PRIM2: variants seen among roughly 807,000 people sequenced by gnomAD.
PRIM2 encodes the protein DNA primase large subunit.
Under a neutral mutation model 67.3 loss-of-function variants are expected in PRIM2, and 39 were observed. The observed-to-expected ratio is 0.58, with a 90% CI of 0.45 to 0.76. PRIM2 has a LOEUF of 0.76. Ranked by LOEUF, PRIM2 falls within the 30% of genes least tolerant of loss-of-function variation. The pLI, the probability that PRIM2 is intolerant of heterozygous loss-of-function variation, is 0.00. For missense variants in PRIM2, 398 were observed against 598.7 expected, an observed-to-expected ratio of 0.66 and a Z score of 3.50; for synonymous variants, 143 against 198.7, an observed-to-expected ratio of 0.72 and a Z score of 2.36.
At chr6:57,530,158 CAT>C (rs1433557901) in intron 8 of PRIM2, among the ~76,000 whole-genome samples, 3 of 152,108 alleles carry the variant, frequency 2.0e-5, no homozygotes, top group African/African-American at 7.2e-5. Flanking sequence ...AACCATAGCA[CAT>C]GTGTGTGCTA....
the PRIM2 span, among the ~76,000 whole-genome samples, chr6:57,275,511 A>G: frequency 6.6e-6 from 1 of 152,212 alleles, no homozygotes; most frequent in Non-Finnish European, 1.5e-5. Flanking sequence ...AAATAAAAGT[A>G]GATTATGTTA....
intron 13 of PRIM2, among the ~76,000 whole-genome samples, chr6:57,636,336 T>C (rs1777121055): frequency 6.6e-6 from 1 of 152,162 alleles, no homozygotes; most frequent in African/African-American, 2.4e-5. Flanking sequence ...TACCTCTATT[T>C]CTCTATTCCT....
intron 7 of PRIM2, among the ~76,000 whole-genome samples, chr6:57,474,104 C>T (rs1160033038): frequency 4.0e-5 from 6 of 150,348 alleles, no homozygotes; most frequent in South Asian, 4.2e-4. Context: ...GACTAATCTT[C>T]CAAAGCATCA....
At chr6:57,435,816 G>A (rs1771991127) in intron 7 of PRIM2, among the ~76,000 whole-genome samples, 1 of 152,152 alleles carries the variant, frequency 6.6e-6, no homozygotes. Context: ...AAAGAGCTGA[G>A]CTCATTCCAA....
intron 7 of PRIM2, among the ~76,000 whole-genome samples, chr6:57,453,208 G>C (rs1389597261): frequency 6.6e-6 from 1 of 152,178 alleles, no homozygotes; most frequent in African/African-American, 2.4e-5. Context: ...ATAGTTTGAA[G>C]TCAGGCAGCA....
intron 5 of PRIM2, among the ~76,000 whole-genome samples, chr6:57,363,739 T>C (rs1333197827): frequency 6.6e-6 from 1 of 152,216 alleles, no homozygotes; most frequent in African/African-American, 2.4e-5. Context: ...AGGAGTAGAA[T>C]TCTTTTTATT....
chr6:57,526,652 G>A (rs1222353305), intron 8 of PRIM2, among the ~76,000 whole-genome samples: 1 of 152,154 alleles, frequency 6.6e-6, no homozygotes, highest in African/African-American at 2.4e-5. Context: ...AACATTAGGA[G>A]TAGGAAAGCT....
intron 5 of PRIM2, among the ~76,000 whole-genome samples, chr6:57,329,141 T>C (rs1464633976): frequency 6.6e-6 from 1 of 152,134 alleles, no homozygotes; most frequent in Non-Finnish European, 1.5e-5. Flanking sequence ...TTTTTTTTTT[T>C]CAGATGAAGT....
chr6:57,627,279 C>CAAAAAA (rs1158722297), intron 12 of PRIM2, among the ~76,000 whole-genome samples: 575 of 24,524 alleles, frequency 0.023, 95 homozygotes, highest in East Asian at 0.12. Flanking sequence ...GACTCTGTCT[C>CAAAAAA]AAAAAAAAAA....
At chr6:57,440,050 G>A (rs537207931) in intron 7 of PRIM2, among the ~76,000 whole-genome samples, 6 of 151,170 alleles carry the variant, frequency 4.0e-5, no homozygotes, top group Admixed American at 2.0e-4. Context: ...AATTTCAGAA[G>A]ATACAGAAAA....
At chr6:57,396,747 T>G (rs888377408) in intron 7 of PRIM2, among the ~76,000 whole-genome samples, 16 of 152,170 alleles carry the variant, frequency 1.1e-4, no homozygotes, top group African/African-American at 3.9e-4. Context: ...AATTGTATTT[T>G]TGTTTTGTAG....
At chr6:57,487,461 T>G (rs1469229774) in intron 7 of PRIM2, among the ~76,000 whole-genome samples, 2 of 152,164 alleles carry the variant, frequency 1.3e-5, no homozygotes, top group East Asian at 3.8e-4. Flanking sequence ...GCTCCTTGCC[T>G]CAAGTGATCC....
chr6:57,525,600 G>T (rs1307978332), intron 8 of PRIM2, among the ~76,000 whole-genome samples: 2 of 152,116 alleles, frequency 1.3e-5, no homozygotes, highest in Non-Finnish European at 2.9e-5. Context: ...CTGTTGTCCG[G>T]CATTTCAACA....
At chr6:57,382,224 C>T (rs4382263) in intron 7 of PRIM2, 56 bp downstream of exon 7, 5 of 1,550,092 alleles carry the variant, frequency 3.2e-6, no homozygotes, top group Non-Finnish European at 3.5e-6. Flanking sequence ...AGTTATATAC[C>T]CCTGGTAGTT....
rs1157172882 is a variant in PRIM2 at position 57,587,664 on chromosome 6, CAAAAAAAAAAAAAAAAA to C, written c.1021-13415_1021-13399del. ...GGGCAACAAGAGTGAGACTCTGTCT[CAAAAAAAAAAAAAAAAA>C]AAAAAAAAAAAAAGGCAGAACACAA... On this transcript the variant is annotated intron_variant, in intron 10 of 13. Transcript: ENST00000615550. Among the ~76,000 whole-genome samples the C allele has an allele frequency of 1.3e-4, 7 of 54,240 alleles. No individual in the cohort carries two copies. In the Admixed American group the frequency reaches 1.4e-3, roughly 11 times the overall value. 35.6% of individuals were successfully genotyped at this position (54,240 alleles called of 152,430 possible).
chr6:57,237,751 C>A, the PRIM2 span, among the ~76,000 whole-genome samples: 8 of 152,236 alleles, frequency 5.3e-5, no homozygotes, highest in South Asian at 1.7e-3. Flanking sequence ...TTTCTGAGGG[C>A]TCTGTTCTGT....
At chr6:57,311,335 G>A (rs984163025), upstream of PRIM2, among the ~76,000 whole-genome samples, 5 of 150,024 alleles carry the variant, frequency 3.3e-5, no homozygotes, top group Non-Finnish European at 7.4e-5. Flanking sequence ...AGGCAGAGGC[G>A]CTCCTCACTT....
At chr6:57,380,088 CTCA>C in intron 6 of PRIM2, 92 bp downstream of exon 6, 1 of 995,942 alleles carries the variant, frequency 1.0e-6, no homozygotes, top group South Asian at 1.6e-5. Flanking sequence ...TTTATAGCCT[CTCA>C]TCATCACAGC....
At chr6:57,625,744 T>TAATAA (rs1399569309) in intron 12 of PRIM2, among the ~76,000 whole-genome samples, 249 of 152,320 alleles carry the variant, frequency 1.6e-3, no homozygotes, top group Non-Finnish European at 2.8e-3. Flanking sequence ...ACTTTGTTTA[T>TAATAA]AGATAATAAA....
Sources: gnomAD v4.1 joint callset for allele counts (sites outside exome capture counted in the v4.1 genomes callset) on GRCh38, gnomAD v4.1.1 for gene constraint, MANE v1.5 for transcripts, NCBI Gene and HGNC (gene_info 2026-07-23, HGNC 2026-07-21) for gene names.